GTF2B: variants seen among roughly 807,000 people sequenced by gnomAD.
The protein encoded by GTF2B is transcription initiation factor IIB.
Under a neutral mutation model 34.6 loss-of-function variants are expected in GTF2B, and 20 were observed. The observed-to-expected ratio is 0.58, with a 90% CI of 0.41 to 0.84. The LOEUF (loss-of-function observed/expected upper bound fraction) is 0.84. Ranked by LOEUF, GTF2B falls within the 40% of genes least tolerant of loss-of-function variation. GTF2B has a pLI of 0.00. For missense variants in GTF2B, 237 were observed against 393.3 expected, an observed-to-expected ratio of 0.60 and a Z score of 3.36; for synonymous variants, 142 against 132.4, an observed-to-expected ratio of 1.07 and a Z score of -0.50.
Position 88,853,039 on chromosome 1 carries a change from T to C in GTF2B, c.*174A>G. ...GAAATTTGATAAGAAATTTAAATCA[T>C]TAAATATGTTTCACTAGTATATACA... On this transcript the variant is annotated 3_prime_UTR_variant, in exon 7 of 7. Coordinates refer to ENST00000370500, the MANE Select transcript of GTF2B (RefSeq NM_001514.6). 1.8e-6 allele frequency: 1 copy of C among 549,142 alleles called. No homozygotes were observed. The highest frequency in any genetic ancestry group is 3.2e-6 in the Non-Finnish European group (1 of 309,324). 34.0% of individuals were successfully genotyped at this position (549,142 alleles called of 1,614,324 possible).
intron 2 of GTF2B, among the ~76,000 whole-genome samples, chr1:88,873,254 A>G (rs1036152005): frequency 7.3e-6 from 1 of 137,184 alleles, no homozygotes; most frequent in Non-Finnish European, 1.5e-5. Context: ...CAGTGGCACT[A>G]TCTCGACTCA....
At chr1:88,876,685 C>T (rs1384544949) in intron 2 of GTF2B, among the ~76,000 whole-genome samples, 1 of 152,066 alleles carries the variant, frequency 6.6e-6, no homozygotes, top group Non-Finnish European at 1.5e-5. Flanking sequence ...AAAAAAAGCA[C>T]TTGTATCTCC....
chr1:88,863,606 T>C (rs1339914542), intron 3 of GTF2B, among the ~76,000 whole-genome samples: 1 of 152,034 alleles, frequency 6.6e-6, no homozygotes, highest in Non-Finnish European at 1.5e-5. Flanking sequence ...CCGCCTGCCT[T>C]GGCCTCCCAA....
chr1:88,882,183 G>A (rs183001523), intron 2 of GTF2B, among the ~76,000 whole-genome samples: 1 of 151,912 alleles, frequency 6.6e-6, no homozygotes, highest in East Asian at 1.9e-4. Flanking sequence ...GGTGGTGCAT[G>A]CCTGTAATCC....
At chr1:88,871,575 G>A (rs1570727507) in intron 2 of GTF2B, among the ~76,000 whole-genome samples, 1 of 152,220 alleles carries the variant, frequency 6.6e-6, no homozygotes, top group African/African-American at 2.4e-5. Flanking sequence ...ATGCTTCAAA[G>A]GGGAGAAATA....
intron 3 of GTF2B, among the ~76,000 whole-genome samples, chr1:88,863,508 C>T (rs574563265): frequency 6.6e-6 from 1 of 152,156 alleles, no homozygotes; most frequent in Non-Finnish European, 1.5e-5. Context: ...CCAAGCCTGG[C>T]TAATTTTTCT....
At chr1:88,882,762 T>C (rs1478377148) in intron 2 of GTF2B, among the ~76,000 whole-genome samples, 1 of 152,256 alleles carries the variant, frequency 6.6e-6, no homozygotes, top group Non-Finnish European at 1.5e-5. Context: ...CACAAGTGTA[T>C]GATTTTAATT....
At chr1:88,854,772 A>G (rs1673265280) in intron 6 of GTF2B, among the ~76,000 whole-genome samples, 1 of 152,226 alleles carries the variant, frequency 6.6e-6, no homozygotes, top group African/African-American at 2.4e-5. Context: ...CTGGGATTAC[A>G]GTCATGAGCC....
At position 88,891,515 on chromosome 1, in the gene GTF2B, G is replaced by C; in HGVS notation, c.-16C>G. On this transcript the variant is annotated 5_prime_UTR_variant, in exon 1 of 7. Coordinates refer to ENST00000370500, the MANE Select transcript of GTF2B (RefSeq NM_001514.6). ...TAGACGCCATCTTCACGGCGACTGC[G>C]GTGCCCGCAACAAGACACAACAGAC... 1 of 1,601,224 alleles carries C rather than the reference G, an allele frequency of 6.2e-7. No individual in the cohort carries two copies. The highest frequency in any genetic ancestry group is 8.5e-7 in the Non-Finnish European group (1 of 1,173,100).
chr1:88,864,960 T>C (rs1199686564), intron 2 of GTF2B, among the ~76,000 whole-genome samples: 1 of 151,338 alleles, frequency 6.6e-6, no homozygotes, highest in Non-Finnish European at 1.5e-5. Context: ...GAAACGCACA[T>C]CAGAGTTTGT....
intron 5 of GTF2B, among the ~76,000 whole-genome samples, 164 bp from the exon 6 acceptor site, chr1:88,857,651 T>TA (rs1256352664): frequency 6.6e-6 from 1 of 151,106 alleles, no homozygotes; most frequent in African/African-American, 2.4e-5. Flanking sequence ...CCCACAGAGT[T>TA]AACTGCAAAT....
intron 2 of GTF2B, among the ~76,000 whole-genome samples, chr1:88,874,757 T>C (rs1673781644): frequency 6.6e-6 from 1 of 152,160 alleles, no homozygotes; most frequent in Non-Finnish European, 1.5e-5. Flanking sequence ...TAGTAGAGAA[T>C]TCAGAAGTAG....
chr1:88,891,519 C>A lies in GTF2B; in HGVS notation c.-20G>T. 6.2e-7 allele frequency: 1 copy of A among 1,600,534 alleles called. No individual in the cohort carries two copies. Among genetic ancestry groups the A allele is most frequent in the Non-Finnish European group, 8.5e-7 (1 of 1,172,392 alleles). On this transcript the variant is annotated 5_prime_UTR_variant, in exon 1 of 7. Coordinates refer to ENST00000370500, the MANE Select transcript of GTF2B (RefSeq NM_001514.6). ...CGCCATCTTCACGGCGACTGCGGTGCCCGCAACAAGACACAACAGACACAC... is the reference window on the plus strand; with the variant it reads ...CGCCATCTTCACGGCGACTGCGGTGACCGCAACAAGACACAACAGACACAC...
intron 1 of GTF2B, among the ~76,000 whole-genome samples, chr1:88,889,865 A>G: frequency 6.6e-6 from 1 of 152,122 alleles, no homozygotes; most frequent in South Asian, 2.1e-4. Flanking sequence ...CAAAAATAAA[A>G]ATTAATAAAA....
chr1:88,853,021 G>A lies in GTF2B; in HGVS notation c.*192C>T, dbSNP rs1464981650. The A allele has an allele frequency of 4.0e-6, 2 of 501,484 alleles. No individual in the cohort carries two copies. Among genetic ancestry groups the A allele is most frequent in the South Asian group, 3.1e-5 (1 of 31,762 alleles). 31.1% of individuals were successfully genotyped at this position (501,484 alleles called of 1,614,324 possible). ...TCCTAGATTGCTACAAAAGAAATTT[G>A]ATAAGAAATTTAAATCATTAAATAT... On this transcript the variant is annotated 3_prime_UTR_variant, in exon 7 of 7. Transcript: ENST00000370500.
At chr1:88,882,874 A>T (rs1310017269) in intron 2 of GTF2B, among the ~76,000 whole-genome samples, 2 of 152,230 alleles carry the variant, frequency 1.3e-5, no homozygotes, top group African/African-American at 2.4e-5. Context: ...AGTCACTACC[A>T]ACTGAAGGTT....
intron 6 of GTF2B, among the ~76,000 whole-genome samples, chr1:88,856,608 G>A (rs1557652321): frequency 6.6e-6 from 1 of 151,980 alleles, no homozygotes. Context: ...TATTCAAAAT[G>A]ATCAGGAGGA....
Position 88,860,131 on chromosome 1 carries a change from A to C in GTF2B, c.405+9T>G, listed in dbSNP as rs926942623. The C allele has an allele frequency of 8.1e-6, 13 of 1,613,836 alleles. No homozygotes were observed. Among genetic ancestry groups the C allele is most frequent in the Non-Finnish European group, 1.1e-5 (13 of 1,179,908 alleles). Reference sequence around the variant, plus strand: ...CAGAATGGCTTAAAGGAGGTAGACAAGAACTTACAACTATATTTCGAGGTA... The same window carrying C: ...CAGAATGGCTTAAAGGAGGTAGACACGAACTTACAACTATATTTCGAGGTA... On this transcript the variant is annotated intron_variant, in intron 4 of 6. Coordinates refer to ENST00000370500, the MANE Select transcript of GTF2B (RefSeq NM_001514.6).
chr1:88,852,837 G>C lies in GTF2B; in HGVS notation c.*376C>G, dbSNP rs1327457729. 5.6e-6 allele frequency: 1 copy of C among 180,150 alleles called. No homozygotes were observed. Among genetic ancestry groups the C allele is most frequent in the East Asian group, 1.6e-4 (1 of 6,086 alleles). The allele number at this position is 180,150 out of a possible 1,614,324, so 11.2% of individuals were successfully genotyped here. On this transcript the variant is annotated 3_prime_UTR_variant, in exon 7 of 7. Coordinates refer to ENST00000370500, the MANE Select transcript of GTF2B (RefSeq NM_001514.6). ...AAAATAAAAAACTATGTATATATAA[G>C]TAATGGAAATAAAGTCTATCAGCTT... is the stretch of plus-strand genomic sequence containing the variant.
Sources: gnomAD v4.1 joint callset for allele counts (sites outside exome capture counted in the v4.1 genomes callset) on GRCh38, gnomAD v4.1.1 for gene constraint, MANE v1.5 for transcripts, NCBI Gene and HGNC (gene_info 2026-07-23, HGNC 2026-07-21) for gene names.